The following MYO18A variants were observed in gnomAD, a reference collection of about 807,000 sequenced individuals.
MYO18A encodes unconventional myosin-XVIIIa.
Under a neutral mutation model 235.8 loss-of-function variants are expected in MYO18A, and 78 were observed. The ratio of observed to expected loss-of-function variants is 0.33; its 90% CI spans 0.28 to 0.40. The LOEUF is 0.40. MYO18A is among the 10% of genes least tolerant of loss of function. The probability of loss-of-function intolerance (pLI) is 1.00; values close to 1 mark genes in which losing one functional copy is unlikely to be tolerated. For synonymous variants in MYO18A, 977 were observed against 1,077.8 expected (o/e 0.91, Z 1.83); for missense variants, 2,215 against 2,699.3 (o/e 0.82, Z 3.98).
At chr17:29,133,247 T>TC (rs1289394835) in intron 2 of MYO18A, among the ~76,000 whole-genome samples, 2 of 152,078 alleles carry the variant, frequency 1.3e-5, no homozygotes, top group African/African-American at 4.8e-5. Context: ...CACTCCTCCC[T>TC]CCCCCATCAG....
At chr17:29,133,808 C>A (rs1419964620) in intron 2 of MYO18A, 2 of 1,289,220 alleles carry the variant, frequency 1.6e-6, no homozygotes, top group African/African-American at 3.0e-5. Context: ...CTTTTGCTCC[C>A]AGAAGGCGAA....
In MYO18A at chr17:29,094,082, C is replaced by T. The variant is rs778437603; in HGVS notation, c.4719G>A (p.Leu1573=). The T allele has an allele frequency of 5.6e-6, 9 of 1,606,976 alleles. No individual in the cohort carries two copies. The South Asian group carries it at 1.0e-4, about 18-fold the overall frequency. ...GTIQMLEQAK[L]RLEMEMERMR... ...TCCGCTCCATCTCCATCTCCAGACG[C>T]AGCTTGGCCTGGAGGTGGTTGGAGT... The change falls in exon 31 of 42, where the codon CTG becomes CTA. Residue 1573 remains leucine (L), a synonymous_variant. Transcript: ENST00000527372.
chr17:29,170,232 G>A (rs996104073), intron 1 of MYO18A, among the ~76,000 whole-genome samples: 1 of 152,150 alleles, frequency 6.6e-6, no homozygotes, highest in South Asian at 2.1e-4. Flanking sequence ...AGAAAATGAG[G>A]CTGTGCCAGC....
rs779028760 is a variant in MYO18A at position 29,109,901 on chromosome 17, G to A, written c.3288C>T (p.Leu1096=). 2 of 1,579,432 alleles carry A rather than the reference G, an allele frequency of 1.3e-6. No homozygotes were observed. The highest frequency in any genetic ancestry group is 1.7e-6 in the Non-Finnish European group (2 of 1,162,738). The change falls in exon 19 of 42, where the codon CTC becomes CTT. Residue 1096 remains leucine, a synonymous_variant. Transcript: ENST00000527372. The surrounding 1 kb of genome is among the most constrained non-coding windows in gnomAD (Gnocchi z 4.1). Reference sequence around the variant, plus strand: ...TGGCATCGAGCAGGCGGGAGCCGCGGAGCTGGGTGCGGAGCAGGGGCACGT... The same window carrying A: ...TGGCATCGAGCAGGCGGGAGCCGCGAAGCTGGGTGCGGAGCAGGGGCACGT... The part of the protein sequence containing the change: ...QLDVPLLRTQ[L]RGSRLLDAMR...
intron 39 of MYO18A, 24 bp from the exon 40 acceptor site, chr17:29,085,672 G>A: frequency 6.2e-7 from 1 of 1,613,562 alleles, no homozygotes; most frequent in Non-Finnish European, 8.5e-7. Flanking sequence ...GAAAATGGTG[G>A]GCAAGGGGTC....
intron 2 of MYO18A, among the ~76,000 whole-genome samples, chr17:29,150,826 C>T (rs1333700822): frequency 2.0e-5 from 3 of 152,176 alleles, no homozygotes; most frequent in Admixed American, 1.3e-4. Context: ...CCCTTTGTCC[C>T]GCCCATTTTC....
At chr17:29,155,041 G>C (rs2068037435) in intron 2 of MYO18A, among the ~76,000 whole-genome samples, 1 of 152,172 alleles carries the variant, frequency 6.6e-6, no homozygotes, top group Non-Finnish European at 1.5e-5. Context: ...GAAACTGGGT[G>C]TCACGGAGAG....
At position 29,109,345 on chromosome 17, in the gene MYO18A, G is replaced by A. The variant is rs542344297; in HGVS notation, c.3331+513C>T. On this transcript the variant is annotated intron_variant, in intron 19 of 41. Transcript: ENST00000527372. The surrounding 1 kb of genome is among the most constrained non-coding windows in gnomAD (Gnocchi z 4.1). ...TGTGCTATCCCGGCCCCCAGCCACC[G>A]ATAACAGCTTCTAAGGACTCTAAGT... 6.6e-5 allele frequency among the ~76,000 whole-genome samples: 10 copies of A among 152,180 alleles called. No individual in the cohort carries two copies. The highest frequency in any genetic ancestry group is 2.2e-4 in the African/African-American group (9 of 41,522).
In MYO18A at chr17:29,090,944, C is replaced by G. The variant is rs1407354252; in HGVS notation, c.5188-18G>C. The G allele has an allele frequency of 6.2e-7, 1 of 1,606,600 alleles. No homozygotes were observed. Among genetic ancestry groups the G allele is most frequent in the Non-Finnish European group, 8.5e-7 (1 of 1,174,062 alleles). The stretch of plus-strand genomic sequence containing the variant: ...TCCTCCAGCTGGAGAGAGGCAAAGA[C>G]AGATCAGAGGGCCTCAGGCCCAGTG... On this transcript the variant is annotated intron_variant, in intron 34 of 41. Coordinates refer to ENST00000527372, the MANE Select transcript of MYO18A (RefSeq NM_078471.4).
At chr17:29,100,310 G>C (rs576351964) in intron 21 of MYO18A, among the ~76,000 whole-genome samples, 6 of 152,352 alleles carry the variant, frequency 3.9e-5, no homozygotes, top group African/African-American at 1.2e-4. Context: ...GAATGGGAAG[G>C]GGGGTGGTGG....
chr17:29,098,095 C>T lies in MYO18A; in HGVS notation c.3990+10G>A, dbSNP rs184732739. 2.0e-5 allele frequency: 33 copies of T among 1,612,206 alleles called. No individual in the cohort carries two copies. The East Asian group carries it at 4.7e-4, about 23-fold the overall frequency. ...CCAGCCTGCTGTTCTCACCCAGGCCCTGCCCTCACCTGCAGTTCCTTCATC... is the reference window on the plus strand; with the variant it reads ...CCAGCCTGCTGTTCTCACCCAGGCCTTGCCCTCACCTGCAGTTCCTTCATC... On this transcript the variant is annotated intron_variant, in intron 25 of 41. Transcript: ENST00000527372.
At position 29,073,080 on chromosome 17, in the gene MYO18A, AGAAT is replaced by A. The variant is rs2065903437; in HGVS notation, c.*1686_*1689del. 7.5e-6 allele frequency: 1 copy of A among 133,962 alleles called. No homozygotes were observed. The highest frequency in any genetic ancestry group is 1.5e-5 in the Non-Finnish European group (1 of 64,694). The allele number at this position is 133,962 out of a possible 1,614,324, so 8.3% of individuals were successfully genotyped here. A position where few individuals can be genotyped will look rare whatever the true frequency, so the allele number is the denominator to read the frequency against. ...GAAGGGCTTGAATCCAAAAAGAAAG[AGAAT>A]GAAAGAAAGAAAGAGAGAGAGAGAG... On this transcript the variant is annotated 3_prime_UTR_variant, in exon 42 of 42. Coordinates refer to ENST00000527372, the MANE Select transcript of MYO18A (RefSeq NM_078471.4).
At chr17:29,149,888 G>A (rs2067932560) in intron 2 of MYO18A, among the ~76,000 whole-genome samples, 1 of 152,190 alleles carries the variant, frequency 6.6e-6, no homozygotes, top group Admixed American at 6.5e-5. Context: ...TGTACCACAT[G>A]CACTATGTTC....
At position 29,111,462 on chromosome 17, in the gene MYO18A, G is replaced by C. The variant is rs1332137728; in HGVS notation, c.2862C>G (p.Ala954=). 1 of 1,612,502 alleles carries C rather than the reference G, an allele frequency of 6.2e-7. No individual in the cohort carries two copies. The highest frequency in any genetic ancestry group is 1.7e-5 in the Admixed American group (1 of 59,738). The change falls in exon 17 of 42, where the codon GCC becomes GCG. Residue 954 remains alanine, a synonymous_variant. Coordinates refer to ENST00000527372, the MANE Select transcript of MYO18A (RefSeq NM_078471.4). This position sits in a 1 kb window ranked among gnomAD's most constrained non-coding sequence, Gnocchi z 5.1. ...GCAGGAGCCGGGGGGCATTCTGGGT[G>C]GCTGGGTTCTGCTTGGTGTAGTTCA... ...GWLNYTKQNP[A]TQNAPRLLQD... is the part of the protein sequence containing the mutation.
At chr17:29,170,936 T>A (rs1210301806) in intron 1 of MYO18A, among the ~76,000 whole-genome samples, 2 of 152,170 alleles carry the variant, frequency 1.3e-5, no homozygotes, top group African/African-American at 4.8e-5. Context: ...TTCAAAATCA[T>A]GATGTCAAGT....
chr17:29,136,250 A>AATATATATATAT (rs1247592713), intron 2 of MYO18A, among the ~76,000 whole-genome samples: 1 of 82,470 alleles, frequency 1.2e-5, no homozygotes, highest in African/African-American at 4.6e-5. Flanking sequence ...AAAAAAAAAA[A>AATATATATATAT]ATATATATAT....
At position 29,118,471 on chromosome 17, in the gene MYO18A, A is replaced by T. The variant is rs886850184; in HGVS notation, c.1830-31T>A. ...GGTACAAATAAGGCATCAGCACGGC[A>T]CTTGGTCCCCATGCCAAGGCCATTT... On this transcript the variant is annotated intron_variant, in intron 8 of 41. Coordinates refer to ENST00000527372, the MANE Select transcript of MYO18A (RefSeq NM_078471.4). The surrounding 1 kb of genome is among the most constrained non-coding windows in gnomAD (Gnocchi z 4.2). 2 of 1,578,040 alleles carry T rather than the reference A, an allele frequency of 1.3e-6. No homozygotes were observed. Among genetic ancestry groups the T allele is most frequent in the Non-Finnish European group, 1.7e-6 (2 of 1,152,490 alleles).
chr17:29,163,205 C>T (rs1020231118), intron 2 of MYO18A, among the ~76,000 whole-genome samples: 1 of 152,208 alleles, frequency 6.6e-6, no homozygotes, highest in African/African-American at 2.4e-5. Context: ...GGGATTAGAA[C>T]TGCTGCCAAG....
intron 2 of MYO18A, among the ~76,000 whole-genome samples, chr17:29,148,515 C>A (rs542828106): frequency 9.9e-5 from 15 of 152,226 alleles, no homozygotes; most frequent in African/African-American, 3.6e-4. Flanking sequence ...GAGTCTACAC[C>A]TGTCTCAAAG....
Sources: allele counts gnomAD v4.1 joint callset (sites outside exome capture counted in the v4.1 genomes callset), GRCh38; gene constraint gnomAD v4.1.1; non-coding constraint Gnocchi (gnomAD v3.1); transcripts MANE v1.5; gene names NCBI Gene and HGNC (gene_info 2026-07-23, HGNC 2026-07-21).